The following STK3 variants were observed in gnomAD, a reference collection of about 807,000 sequenced individuals.
STK3 encodes the protein serine/threonine kinase 3.
A neutral mutation model predicts 58.0 loss-of-function variants in STK3; 41 were observed. That is an observed-to-expected ratio of 0.71 (90% CI 0.55 to 0.92). The LOEUF (loss-of-function observed/expected upper bound fraction) is 0.92, where lower values mean the gene tolerates loss of function less well. Among genes scored for constraint, STK3 ranks in the 40% least tolerant of loss-of-function variants. The probability of loss-of-function intolerance (pLI) is 0.00; values close to 1 mark genes in which losing one functional copy is unlikely to be tolerated. For synonymous variants in STK3, 170 were observed against 191.0 expected (o/e 0.89, Z 0.91); for missense variants, 479 against 602.7 (o/e 0.79, Z 2.15).
chr8:98,879,307 A>C (rs1036738250), downstream of STK3: 2 of 152,338 alleles, frequency 1.3e-5, no homozygotes, highest in Admixed American at 1.3e-4. Context: ...AGTACAGACA[A>C]CTTTTTTTCT....
At chr8:98,891,649 GAT>G (rs1838205469) in intron 1 of STK3, among the ~76,000 whole-genome samples, 1 of 151,414 alleles carries the variant, frequency 6.6e-6, no homozygotes, top group Non-Finnish European at 1.5e-5. Context: ...GAGAGAGAGA[GAT>G]ACACAGTGCT....
intron 7 of STK3, among the ~76,000 whole-genome samples, chr8:98,583,143 A>G (rs1199268144): frequency 6.6e-6 from 1 of 152,064 alleles, no homozygotes. Flanking sequence ...AAAACAGACA[A>G]TTGAAACATT....
At chr8:98,923,546 A>G (rs1169369606) in intron 1 of STK3, among the ~76,000 whole-genome samples, 1 of 152,124 alleles carries the variant, frequency 6.6e-6, no homozygotes, top group Non-Finnish European at 1.5e-5. Flanking sequence ...ACAAACCTAA[A>G]CCCTAGCACT....
intron 6 of STK3, among the ~76,000 whole-genome samples, chr8:98,621,489 A>C (rs572759324): frequency 5.3e-5 from 8 of 152,230 alleles, no homozygotes; most frequent in African/African-American, 1.9e-4. Flanking sequence ...ACATTAGGGG[A>C]AAACATTCAG....
chr8:98,941,888 G>A (rs1840447112), intron 1 of STK3, among the ~76,000 whole-genome samples: 1 of 152,260 alleles, frequency 6.6e-6, no homozygotes, highest in African/African-American at 2.4e-5. Flanking sequence ...CCGGGTCAGC[G>A]GAAATTTCAG....
chr8:98,587,950 G>A (rs1490322815), intron 7 of STK3, among the ~76,000 whole-genome samples: 5 of 152,060 alleles, frequency 3.3e-5, no homozygotes, highest in Non-Finnish European at 5.9e-5. Flanking sequence ...CCATTTGCTT[G>A]GTAGATTTTC....
chr8:98,413,206 G>C, intron 3 of STK3: 1 of 304,846 alleles, frequency 3.3e-6, no homozygotes, highest in South Asian at 2.9e-5. Flanking sequence ...GTAGAGATGG[G>C]GTTTCACCAT....
intron 1 of STK3, among the ~76,000 whole-genome samples, chr8:98,910,874 A>C (rs754554581): frequency 4.6e-5 from 7 of 152,214 alleles, no homozygotes; most frequent in Non-Finnish European, 7.3e-5. Flanking sequence ...CTGACTGGGC[A>C]GAGAGATTAT....
At chr8:98,692,707 G>C (rs1456933073) in intron 6 of STK3, among the ~76,000 whole-genome samples, 1 of 151,828 alleles carries the variant, frequency 6.6e-6, no homozygotes, top group Admixed American at 6.6e-5. Context: ...CTTTAAAATG[G>C]TTAAAATGAT....
At chr8:98,733,547 T>C (rs1445063407) in intron 4 of STK3, among the ~76,000 whole-genome samples, 1 of 152,220 alleles carries the variant, frequency 6.6e-6, no homozygotes, top group Non-Finnish European at 1.5e-5. Flanking sequence ...CCCCCATCCG[T>C]AGAAAAATTG....
At chr8:98,413,775 C>T (rs914811344) in intron 3 of STK3, 7 of 662,402 alleles carry the variant, frequency 1.1e-5, no homozygotes, top group Admixed American at 4.0e-5. Context: ...GGAAGCCCAT[C>T]GTCATCCATC....
intron 3 of STK3, among the ~76,000 whole-genome samples, chr8:98,764,307 C>T (rs1205498572): frequency 3.9e-5 from 6 of 152,112 alleles, no homozygotes; most frequent in Non-Finnish European, 7.4e-5. Flanking sequence ...CCTGGGGTTC[C>T]CTCAATCTGT....
chr8:98,472,689 T>C lies in STK3; in HGVS notation c.1318-16689A>G, dbSNP rs562551635. On this transcript the variant is annotated intron_variant, in intron 10 of 10. Transcript: ENST00000419617. ...ATGTTCCAAATGACTGAATGCATTA[T>C]GAATTAGCCTATCATAGGCTTTATC... is the stretch of plus-strand genomic sequence containing the variant. Among the ~76,000 whole-genome samples, 9 of 152,302 alleles carry C rather than the reference T, an allele frequency of 5.9e-5. No homozygotes were observed. The South Asian group carries it at 1.7e-3, about 28-fold the overall frequency.
At chr8:98,372,512 T>C (rs1360305583) in intron 2 of STK3, among the ~76,000 whole-genome samples, 1 of 147,666 alleles carries the variant, frequency 6.8e-6, no homozygotes, top group African/African-American at 2.5e-5. Context: ...TTTCCTAGGC[T>C]TTTCTACCTG....
chr8:98,741,893 G>C (rs1257925637), intron 4 of STK3, among the ~76,000 whole-genome samples: 9 of 152,128 alleles, frequency 5.9e-5, no homozygotes, highest in Non-Finnish European at 1.3e-4. Flanking sequence ...AAATGATAAA[G>C]GGGATATCAC....
chr8:98,399,388 C>A (rs1817923211), downstream of STK3, among the ~76,000 whole-genome samples: 1 of 152,196 alleles, frequency 6.6e-6, no homozygotes, highest in African/African-American at 2.4e-5. Context: ...GCCTGCTGAT[C>A]CATAACGTAT....
intron 3 of STK3, among the ~76,000 whole-genome samples, chr8:98,425,805 C>T (rs1563598708): frequency 6.6e-6 from 1 of 152,246 alleles, no homozygotes; most frequent in Non-Finnish European, 1.5e-5. Flanking sequence ...AAAGAATGTA[C>T]TTCCCACTGT....
chr8:98,488,406 G>A (rs10441500), intron 10 of STK3, among the ~76,000 whole-genome samples: 3,417 of 152,254 alleles, frequency 0.022, 127 homozygotes, highest in African/African-American at 0.077. Context: ...TTAAAAGATA[G>A]ACAATGGTAC....
At chr8:98,581,556 G>C (rs1813886190) in intron 7 of STK3, among the ~76,000 whole-genome samples, 1 of 151,774 alleles carries the variant, frequency 6.6e-6, no homozygotes, top group Non-Finnish European at 1.5e-5. Flanking sequence ...TGGTGACCGG[G>C]GTAGGCCATA....
Sources: gnomAD v4.1 joint callset for allele counts (sites outside exome capture counted in the v4.1 genomes callset) on GRCh38, gnomAD v4.1.1 for gene constraint, MANE v1.5 for transcripts, NCBI Gene and HGNC (gene_info 2026-07-23, HGNC 2026-07-21) for gene names.